MYO18B: variants seen among roughly 807,000 people sequenced by gnomAD.
The protein encoded by MYO18B is myosin XVIIIB.
MYO18B carries 204 observed loss-of-function variants against 273.0 expected under a neutral mutation model. The observed-to-expected ratio is 0.75, with a 90% CI of 0.67 to 0.84. MYO18B has a LOEUF of 0.84. Among genes scored for constraint, MYO18B ranks in the 40% least tolerant of loss-of-function variants. The pLI is 0.00. For synonymous variants in MYO18B, 1,330 were observed against 1,305.7 expected, an observed-to-expected ratio of 1.02 and a Z score of -0.40; for missense variants, 3,212 against 3,287.6, an observed-to-expected ratio of 0.98 and a Z score of 0.56.
Position 25,797,843 on chromosome 22 carries a change from A to G in MYO18B, c.2377-110A>G, listed in dbSNP as rs1254205685. The G allele has an allele frequency of 3.4e-6, 5 of 1,473,540 alleles. No homozygotes were observed. In the East Asian group the frequency reaches 1.1e-4, roughly 34 times the overall value. The allele number at this position is 1,473,540 out of a possible 1,614,324, so 91.3% of individuals were successfully genotyped here. ...TTAATTGTGGGTAATTTATTGTGGC[A>G]ATAAAATGACCCCCGCATTCCTTCG... is the stretch of plus-strand genomic sequence containing the variant. On this transcript the variant is annotated intron_variant, in intron 11 of 43. Transcript: ENST00000335473.
intron 32 of MYO18B, 135 bp from the exon 33 acceptor site, chr22:25,910,811 C>G: frequency 1.5e-6 from 1 of 677,270 alleles, no homozygotes; most frequent in Non-Finnish European, 2.6e-6. Context: ...ACACTACCAC[C>G]CAATCACTAG....
intron 40 of MYO18B, among the ~76,000 whole-genome samples, chr22:26,000,410 T>C (rs1230922166): frequency 6.6e-6 from 1 of 151,950 alleles, no homozygotes; most frequent in East Asian, 1.9e-4. Context: ...TTACATGGGG[T>C]CTCCTAGAAC....
In MYO18B at chr22:25,868,368, G is replaced by C. The variant is rs2146143676; in HGVS notation, c.3934G>C (p.Ala1312Pro). The C allele has an allele frequency of 6.2e-7, 1 of 1,600,842 alleles. No homozygotes were observed. Among genetic ancestry groups the C allele is most frequent in the Admixed American group, 1.7e-5 (1 of 58,182 alleles). ...CCTGGATCTGGAAAAGAAGGCGGTG[G>C]CTGTGGGGCACAGCCAAGTGAGTAG... ...ETLDLEKKAV[A>P]VGHSQVFLKA... Residue 1312 changes from alanine to proline, a missense_variant, in exon 22 of 44, where the codon GCT (alanine) becomes CCT (proline). Ala to Pro is a conservative substitution (Grantham distance 27). Transcript: ENST00000335473.
At chr22:25,972,946 T>A (rs1254553643) in intron 39 of MYO18B, among the ~76,000 whole-genome samples, 2 of 138,852 alleles carry the variant, frequency 1.4e-5, no homozygotes, top group Non-Finnish European at 1.5e-5. Flanking sequence ...ACAAAGTGAC[T>A]CTGTCTCAAA....
intron 21 of MYO18B, among the ~76,000 whole-genome samples, chr22:25,859,522 A>G (rs1235449180): frequency 1.3e-5 from 2 of 152,028 alleles, no homozygotes; most frequent in African/African-American, 2.4e-5. Context: ...TTCATTTTCT[A>G]TCCTTATCAA....
chr22:25,808,498 C>T (rs577772063), intron 12 of MYO18B, among the ~76,000 whole-genome samples: 1 of 152,310 alleles, frequency 6.6e-6, no homozygotes, highest in East Asian at 1.9e-4. Flanking sequence ...AAAGTTCTTG[C>T]TCTTCTCCAC....
At chr22:25,950,814 C>T (rs752971956) in intron 37 of MYO18B, among the ~76,000 whole-genome samples, 3 of 152,072 alleles carry the variant, frequency 2.0e-5, no homozygotes, top group Non-Finnish European at 4.4e-5. Context: ...TCAGGTGATC[C>T]GCCCTTCTCA....
chr22:25,837,621 A>G (rs1395835572), intron 17 of MYO18B, among the ~76,000 whole-genome samples: 1 of 152,244 alleles, frequency 6.6e-6, no homozygotes, highest in African/African-American at 2.4e-5. Flanking sequence ...TATGGTGACC[A>G]GCAGAGACCT....
chr22:25,892,676 T>C (rs1420611123), intron 27 of MYO18B: 1 of 152,190 alleles, frequency 6.6e-6, no homozygotes, highest in Admixed American at 6.5e-5. Flanking sequence ...TATTTTCTGT[T>C]TCATTCTTGT....
At chr22:25,784,570 C>T (rs928812780) in intron 10 of MYO18B, among the ~76,000 whole-genome samples, 3 of 152,168 alleles carry the variant, frequency 2.0e-5, no homozygotes, top group East Asian at 1.9e-4. Context: ...AGGGAGAGGA[C>T]ACTGAAGGCC....
chr22:25,920,953 T>C (rs2092331326), intron 33 of MYO18B, among the ~76,000 whole-genome samples: 1 of 152,086 alleles, frequency 6.6e-6, no homozygotes, highest in Non-Finnish European at 1.5e-5. Context: ...GATGACAGAG[T>C]GGCTTTGGAT....
intron 39 of MYO18B, chr22:25,963,874 T>C (rs906130422): frequency 2.0e-5 from 3 of 152,232 alleles, no homozygotes; most frequent in Middle Eastern, 3.4e-3. Flanking sequence ...CTTTCTTCCT[T>C]TTCTTACTCT....
chr22:26,014,685 A>G (rs1935171500), intron 42 of MYO18B, among the ~76,000 whole-genome samples: 1 of 152,230 alleles, frequency 6.6e-6, no homozygotes, highest in Admixed American at 6.5e-5. Context: ...CCAACAGTGT[A>G]TAAGCATTCG....
chr22:25,777,614 C>A lies in MYO18B; in HGVS notation c.1901C>A (p.Ala634Asp). The A allele has an allele frequency of 1.2e-6, 2 of 1,603,170 alleles. No homozygotes were observed. Among genetic ancestry groups the A allele is most frequent in the South Asian group, 1.1e-5 (1 of 89,112 alleles). Residue 634 changes from alanine to aspartate, a missense_variant, in exon 8 of 44, where the codon GCC becomes GAC. Ala to Asp is a moderately radical substitution (Grantham distance 126). Transcript: ENST00000335473. The stretch of plus-strand genomic sequence containing the variant: ...AAGGGCCGCCGGGATGGCCTGCCTG[C>A]CCACATTGGCTCCATGGCACAGCGG... ...VPKGRRDGLP[A>D]HIGSMAQRAY... is the part of the protein sequence containing the mutation.
rs578076486 is a variant in MYO18B at position 25,751,408 on chromosome 22, C to A, written c.-110+9115C>A. ...TGCCCCCTGCACACTCTGCCCTACC[C>A]CTGAATGTACCTACTTGAGCCAGCT... On this transcript the variant is annotated intron_variant, in intron 1 of 43. Transcript: ENST00000335473. Among the ~76,000 whole-genome samples the A allele has an allele frequency of 5.6e-4, 85 of 152,342 alleles. 1 individual carries two copies. In the South Asian group the frequency reaches 0.017, roughly 30 times the overall value.
chr22:25,754,688 G>A (rs1479065833), intron 1 of MYO18B, among the ~76,000 whole-genome samples: 1 of 152,184 alleles, frequency 6.6e-6, no homozygotes, highest in Non-Finnish European at 1.5e-5. Context: ...CCGGACCGGA[G>A]TATGGCGATA....
intron 22 of MYO18B, among the ~76,000 whole-genome samples, chr22:25,872,242 C>T (rs78747976): frequency 0.022 from 3,340 of 152,114 alleles, 131 homozygotes; most frequent in African/African-American, 0.077. Context: ...GTCTCCATTA[C>T]GAAAAATAGG....
chr22:25,839,351 C>T (rs575906399), intron 17 of MYO18B, among the ~76,000 whole-genome samples: 5 of 152,296 alleles, frequency 3.3e-5, no homozygotes, highest in South Asian at 2.1e-4. Flanking sequence ...AGTTGTGCTG[C>T]GGCCCTGGCC....
At chr22:25,807,174 T>C (rs1214101077) in intron 12 of MYO18B, among the ~76,000 whole-genome samples, 1 of 152,218 alleles carries the variant, frequency 6.6e-6, no homozygotes, top group African/African-American at 2.4e-5. Context: ...AAAATGAAAC[T>C]TCTGTGCTAG....
Sources: gnomAD v4.1 joint callset for allele counts (sites outside exome capture counted in the v4.1 genomes callset) on GRCh38, gnomAD v4.1.1 for gene constraint, MANE v1.5 for transcripts, NCBI Gene and HGNC (gene_info 2026-07-23, HGNC 2026-07-21) for gene names.